Variants in CNTNAP2 observed in about 807,000 individuals in gnomAD.
The protein encoded by CNTNAP2 is contactin-associated protein-like 2.
Under a neutral mutation model 155.2 loss-of-function variants are expected in CNTNAP2, and 98 were observed. That is an observed-to-expected ratio of 0.63 (90% confidence interval 0.54 to 0.75). The LOEUF (loss-of-function observed/expected upper bound fraction) is 0.75. Ranked by LOEUF, CNTNAP2 falls within the 30% of genes least tolerant of loss-of-function variation. The pLI, the probability that CNTNAP2 is intolerant of heterozygous loss-of-function variation, is 0.00. For synonymous variants in CNTNAP2, 651 were observed against 631.2 expected (o/e 1.03, Z -0.47); for missense variants, 1,727 against 1,688.1 (o/e 1.02, Z -0.40).
At chr7:148,050,877 G>A (rs1802876025) in intron 15 of CNTNAP2, among the ~76,000 whole-genome samples, 1 of 152,134 alleles carries the variant, frequency 6.6e-6, no homozygotes, top group Non-Finnish European at 1.5e-5. Context: ...ATAACATGCT[G>A]TACAGATTTG....
chr7:146,631,349 C>A (rs1268997882), intron 1 of CNTNAP2, among the ~76,000 whole-genome samples: 2 of 152,102 alleles, frequency 1.3e-5, no homozygotes, highest in African/African-American at 4.8e-5. Context: ...TTAATATATT[C>A]AAAAATAAAT....
chr7:147,944,437 A>G (rs901018767), intron 14 of CNTNAP2, among the ~76,000 whole-genome samples: 2 of 152,232 alleles, frequency 1.3e-5, no homozygotes, highest in Non-Finnish European at 2.9e-5. Flanking sequence ...GGTAGCACAC[A>G]AAGGAGGCAG....
At chr7:148,217,032 T>G (rs1795650945) in intron 18 of CNTNAP2, among the ~76,000 whole-genome samples, 1 of 152,128 alleles carries the variant, frequency 6.6e-6, no homozygotes, top group South Asian at 2.1e-4. Context: ...TTCTTTCTCT[T>G]TATAAATCAC....
chr7:146,637,129 G>A (rs184100884), intron 1 of CNTNAP2, among the ~76,000 whole-genome samples: 16 of 152,266 alleles, frequency 1.1e-4, no homozygotes, highest in Admixed American at 7.2e-4. Context: ...TTGCTGAGTG[G>A]CTTACTTTAA....
intron 11 of CNTNAP2, among the ~76,000 whole-genome samples, chr7:147,533,852 C>T (rs774922204): frequency 4.6e-5 from 7 of 152,174 alleles, no homozygotes; most frequent in Non-Finnish European, 7.3e-5. Context: ...ATTGAAGACA[C>T]ATTAAGCATG....
chr7:146,446,039 C>T (rs1006906185), intron 1 of CNTNAP2, among the ~76,000 whole-genome samples: 2 of 152,074 alleles, frequency 1.3e-5, no homozygotes, highest in Non-Finnish European at 2.9e-5. Flanking sequence ...ATCACATTAA[C>T]TCCAGAGCAG....
At chr7:147,884,129 C>G (rs1003645009) in intron 13 of CNTNAP2, among the ~76,000 whole-genome samples, 5 of 152,168 alleles carry the variant, frequency 3.3e-5, no homozygotes, top group Admixed American at 6.5e-5. Context: ...AAGAGAATTT[C>G]AGGTGGCAAA....
Position 147,132,256 on chromosome 7 carries a change from C to T in CNTNAP2, c.1095C>T (p.Ser365=). The change falls in exon 8 of 24, where the codon AGC becomes AGT. Residue 365 remains serine, a synonymous_variant. Coordinates refer to ENST00000361727, the MANE Select transcript of CNTNAP2 (RefSeq NM_014141.6). ...KLEPSNVGNL[S]FSCVEPYTVP... ...TTTCTATTTTACAGGGAAATTTGAG[C>T]TTTTCTTGTGTGGAACCCTATACGG... 6.2e-7 allele frequency: 1 copy of T among 1,613,594 alleles called. No individual in the cohort carries two copies. Among genetic ancestry groups the T allele is most frequent in the Non-Finnish European group, 8.5e-7 (1 of 1,179,700 alleles).
chr7:148,114,201 A>T (rs1804415315), intron 15 of CNTNAP2, among the ~76,000 whole-genome samples: 1 of 152,232 alleles, frequency 6.6e-6, no homozygotes, highest in African/African-American at 2.4e-5. Flanking sequence ...ATAGGGAGTT[A>T]TAGAAATAAA....
At chr7:146,555,223 C>G (rs1798179540) in intron 1 of CNTNAP2, among the ~76,000 whole-genome samples, 1 of 152,176 alleles carries the variant, frequency 6.6e-6, no homozygotes. Context: ...TGCAGTGTGA[C>G]AACTGCTACA....
chr7:147,176,835 A>C (rs1802355389), intron 8 of CNTNAP2, among the ~76,000 whole-genome samples: 1 of 126,104 alleles, frequency 7.9e-6, no homozygotes, highest in African/African-American at 3.1e-5. Context: ...ATAATATATA[A>C]TTATATATTA....
At chr7:146,767,181 A>G (rs376497801) in intron 1 of CNTNAP2, among the ~76,000 whole-genome samples, 37 of 152,278 alleles carry the variant, frequency 2.4e-4, no homozygotes, top group African/African-American at 8.2e-4. Flanking sequence ...TTAATTCTCA[A>G]TGCAATTTTA....
In CNTNAP2 at chr7:147,970,498, G is replaced by A. The variant is rs554869904; in HGVS notation, c.2256-7364G>A. Among the ~76,000 whole-genome samples, 95 of 152,208 alleles carry A rather than the reference G, an allele frequency of 6.2e-4. 1 individual carries two copies. Among genetic ancestry groups the A allele is most frequent in the Middle Eastern group, 6.8e-3 (2 of 294 alleles). ...CCAGCACTTTGGGAGGTCAAGGTGCGCAGATCACTTAAGTCAGGAGTTCAA... is the reference window on the plus strand; with the variant it reads ...CCAGCACTTTGGGAGGTCAAGGTGCACAGATCACTTAAGTCAGGAGTTCAA... On this transcript the variant is annotated intron_variant, in intron 14 of 23. Transcript: ENST00000361727.
rs564637048 is a variant in CNTNAP2, at chr7:147,407,059, AC to A, written c.1670+11287del. ...TCTTCATGAACACACTTCAGTGAAG[AC>A]CCCCCCCTCTGGGAAATTAGACATG... On this transcript the variant is annotated intron_variant, in intron 10 of 23. Transcript: ENST00000361727. 2.0e-3 allele frequency among the ~76,000 whole-genome samples: 306 copies of A among 151,360 alleles called. 1 individual carries two copies. The highest frequency in any genetic ancestry group is 3.1e-3 in the Admixed American group (47 of 15,140).
intron 21 of CNTNAP2, among the ~76,000 whole-genome samples, chr7:148,299,858 T>C (rs1445204802): frequency 6.6e-6 from 1 of 152,230 alleles, no homozygotes; most frequent in Non-Finnish European, 1.5e-5. Flanking sequence ...TTTCCATTTC[T>C]CTTAACTAAG....
intron 4 of CNTNAP2, among the ~76,000 whole-genome samples, chr7:147,073,967 G>A (rs1007888557): frequency 2.0e-5 from 3 of 152,046 alleles, no homozygotes; most frequent in African/African-American, 7.2e-5. Flanking sequence ...TAAAGATGAG[G>A]CATTTCATTT....
At chr7:146,803,798 A>T (rs1467156215) in intron 2 of CNTNAP2, among the ~76,000 whole-genome samples, 1 of 152,216 alleles carries the variant, frequency 6.6e-6, no homozygotes, top group Non-Finnish European at 1.5e-5. Flanking sequence ...TGCTCCAAGG[A>T]AAGTCTTGGT....
In CNTNAP2 at chr7:146,514,004, C is replaced by CT. The variant is rs574725147; in HGVS notation, c.98-260260dup. ...TTTACTTCAGTACTTTTTATATATCCTTTTTTTAACTTCAGTACTTTTTAT... is the reference window on the plus strand; with the variant it reads ...TTTACTTCAGTACTTTTTATATATCCTTTTTTTTAACTTCAGTACTTTTTAT... On this transcript the variant is annotated intron_variant, in intron 1 of 23. Transcript: ENST00000361727. Among the ~76,000 whole-genome samples, 709 of 151,958 alleles carry CT rather than the reference C, an allele frequency of 4.7e-3. 10 individuals carry two copies. The highest frequency in any genetic ancestry group is 0.016 in the African/African-American group (661 of 41,486).
chr7:146,459,916 G>T (rs1320881286), intron 1 of CNTNAP2, among the ~76,000 whole-genome samples: 1 of 152,166 alleles, frequency 6.6e-6, no homozygotes, highest in Non-Finnish European at 1.5e-5. Flanking sequence ...GTTGCAGTGA[G>T]CCAAGTTCAG....
Sources: allele counts gnomAD v4.1 joint callset (sites outside exome capture counted in the v4.1 genomes callset), GRCh38; gene constraint gnomAD v4.1.1; transcripts MANE v1.5; gene names NCBI Gene and HGNC (gene_info 2026-07-23, HGNC 2026-07-21).